The following FGF1 variants were observed in gnomAD, a reference collection of about 807,000 sequenced individuals.
FGF1 encodes fibroblast growth factor 1.
In FGF1, 9 loss-of-function variants were observed where a neutral mutation model predicts 13.4. The ratio of observed to expected loss-of-function variants is 0.67; its 90% confidence interval spans 0.40 to 1.17. The LOEUF (loss-of-function observed/expected upper bound fraction) is 1.17, where lower values mean the gene tolerates loss of function less well. Among genes scored for constraint, FGF1 ranks in the 50% most tolerant of loss-of-function variants. The pLI is 0.01. For synonymous variants in FGF1, 93 were observed against 79.0 expected, an observed-to-expected ratio of 1.18 and a Z score of -0.94; for missense variants, 156 against 192.7, an observed-to-expected ratio of 0.81 and a Z score of 1.13.
At chr5:142,697,233 G>A (rs1561784241) in intron 2 of FGF1, among the ~76,000 whole-genome samples, 1 of 152,134 alleles carries the variant, frequency 6.6e-6, no homozygotes, top group South Asian at 2.1e-4. Flanking sequence ...GAATCAGCTG[G>A]CATCCTTTTA....
At chr5:142,634,864 CT>C (rs896590244) in intron 1 of FGF1, among the ~76,000 whole-genome samples, 1 of 149,512 alleles carries the variant, frequency 6.7e-6, no homozygotes, top group African/African-American at 2.5e-5. Flanking sequence ...TTGGTTATTG[CT>C]TTTTTTTTCT....
At chr5:142,616,936 G>A (rs2151883553) in intron 1 of FGF1, among the ~76,000 whole-genome samples, 1 of 152,286 alleles carries the variant, frequency 6.6e-6, no homozygotes, top group Non-Finnish European at 1.5e-5. Flanking sequence ...ATATACCAGT[G>A]GTTGCCACTT....
chr5:142,603,087 G>T (rs752116514), intron 2 of FGF1, among the ~76,000 whole-genome samples: 1 of 152,170 alleles, frequency 6.6e-6, no homozygotes, highest in Non-Finnish European at 1.5e-5. Flanking sequence ...GGAATGGTTA[G>T]CTCTGAGAGT....
chr5:142,683,269 C>G (rs370206709), intron 1 of FGF1, among the ~76,000 whole-genome samples: 2 of 152,162 alleles, frequency 1.3e-5, no homozygotes, highest in Non-Finnish European at 1.5e-5. Context: ...AGCTAGCATA[C>G]AGGCTGACAG....
chr5:142,690,193 C>T (rs1255009171), upstream of FGF1, among the ~76,000 whole-genome samples: 2 of 151,624 alleles, frequency 1.3e-5, no homozygotes, highest in African/African-American at 2.4e-5. Context: ...TGGTGGCGGG[C>T]GCCTGTAGTC....
At chr5:142,661,016 A>G (rs1769122173) in intron 1 of FGF1, among the ~76,000 whole-genome samples, 1 of 152,190 alleles carries the variant, frequency 6.6e-6, no homozygotes, top group African/African-American at 2.4e-5. Flanking sequence ...AGAGGGGGAA[A>G]ATGCATTGCT....
At chr5:142,612,669 C>T (rs1306938974) in intron 2 of FGF1, among the ~76,000 whole-genome samples, 2 of 151,526 alleles carry the variant, frequency 1.3e-5, no homozygotes, top group Non-Finnish European at 2.9e-5. Flanking sequence ...ATAAGACATT[C>T]AGCAAGCCCA....
intron 1 of FGF1, among the ~76,000 whole-genome samples, chr5:142,683,755 A>G (rs1774155976): frequency 2.2e-5 from 3 of 135,038 alleles, no homozygotes; most frequent in Non-Finnish European, 4.7e-5. Flanking sequence ...CGGGAGGCGG[A>G]GGTTGCAGTG....
intron 1 of FGF1, among the ~76,000 whole-genome samples, chr5:142,646,206 GCCTT>G (rs1766051618): frequency 9.2e-6 from 1 of 108,802 alleles, no homozygotes. Context: ...ACCGCACCTG[GCCTT>G]TTTTTTTTTT....
chr5:142,623,470 C>A (rs1019700037), intron 1 of FGF1, among the ~76,000 whole-genome samples: 2 of 152,072 alleles, frequency 1.3e-5, no homozygotes, highest in Non-Finnish European at 2.9e-5. Flanking sequence ...CTCAGCCTCC[C>A]AAGTAGCTGG....
Position 142,629,700 on chromosome 5 carries a change from G to A in FGF1, c.-34-15539C>T, listed in dbSNP as rs373682421. 6.6e-5 allele frequency among the ~76,000 whole-genome samples: 10 copies of A among 151,802 alleles called. No individual in the cohort carries two copies. The East Asian group carries it at 7.7e-4, about 12-fold the overall frequency. ...GTATATGCACACTAATGTAAACCTC[G>A]TAGGGGCCCATTTCAAATTTGTTTT... On this transcript the variant is annotated intron_variant, in intron 1 of 3. Coordinates refer to ENST00000337706, the MANE Select transcript of FGF1 (RefSeq NM_000800.5).
intron 1 of FGF1, among the ~76,000 whole-genome samples, chr5:142,625,130 G>GTCTAGCCACACCA (rs1425839968): frequency 6.6e-6 from 1 of 152,124 alleles, no homozygotes; most frequent in Non-Finnish European, 1.5e-5. Context: ...CTGCCTTTAA[G>GTCTAGCCACACCA]GAGTTTACAG....
In FGF1 at chr5:142,592,693, C is replaced by T. The variant is rs931479125; in HGVS notation, c.*2597G>A. On this transcript the variant is annotated 3_prime_UTR_variant, in exon 4 of 4. Coordinates refer to ENST00000337706, the MANE Select transcript of FGF1 (RefSeq NM_000800.5). The stretch of plus-strand genomic sequence containing the variant: ...TCCTTCTAAGAAGATCTGACAGGCT[C>T]TTTGGCTGATTTGAAAGCAGTCCCC... The T allele has an allele frequency of 2.7e-6, 1 of 372,466 alleles. No individual in the cohort carries two copies. The highest frequency in any genetic ancestry group is 2.1e-5 in the African/African-American group (1 of 48,124). 23.1% of individuals were successfully genotyped at this position (372,466 alleles called of 1,614,324 possible).
upstream of FGF1, among the ~76,000 whole-genome samples, chr5:142,687,537 T>G (rs17216727): frequency 9.2e-5 from 14 of 152,210 alleles, no homozygotes; most frequent in African/African-American, 3.4e-4. Flanking sequence ...CAAAGGATAC[T>G]GATAATTTGC....
chr5:142,688,781 C>T (rs1219977947), upstream of FGF1, among the ~76,000 whole-genome samples: 2 of 152,216 alleles, frequency 1.3e-5, no homozygotes, highest in African/African-American at 2.4e-5. Context: ...TGTTGTGGCT[C>T]TTGCCAGAGG....
chr5:142,678,554 G>A (rs978020299), intron 1 of FGF1, among the ~76,000 whole-genome samples: 25 of 152,034 alleles, frequency 1.6e-4, no homozygotes, highest in African/African-American at 4.1e-4. Context: ...TCCTTTCAGC[G>A]CCCTCTGCCC....
At chr5:142,697,176 G>A (rs1406468242) in intron 2 of FGF1, among the ~76,000 whole-genome samples, 1 of 152,198 alleles carries the variant, frequency 6.6e-6, no homozygotes, top group African/African-American at 2.4e-5. Context: ...GGGAAAAAGA[G>A]GCTCTGCATG....
chr5:142,660,723 C>T (rs150944102), intron 1 of FGF1, among the ~76,000 whole-genome samples: 9 of 152,380 alleles, frequency 5.9e-5, no homozygotes, highest in African/African-American at 2.2e-4. Context: ...CACTCCATAT[C>T]TTCTTTTCTA....
In FGF1 at chr5:142,614,984, A is replaced by G. The variant is rs17217212; in HGVS notation, c.-34-823T>C. Among the ~76,000 whole-genome samples, 431 of 152,118 alleles carry G rather than the reference A, an allele frequency of 2.8e-3. 3 individuals carry two copies. Among genetic ancestry groups the G allele is most frequent in the African/African-American group, 9.8e-3 (407 of 41,532 alleles). The stretch of plus-strand genomic sequence containing the variant: ...TAATGTGAGATAGAACACAGAAACC[A>G]CCATATTATATATAATATACCTTTA... On this transcript the variant is annotated intron_variant, in intron 1 of 3. Coordinates refer to ENST00000337706, the MANE Select transcript of FGF1 (RefSeq NM_000800.5).
Sources: gnomAD v4.1 joint callset for allele counts (sites outside exome capture counted in the v4.1 genomes callset) on GRCh38, gnomAD v4.1.1 for gene constraint, MANE v1.5 for transcripts, NCBI Gene and HGNC (gene_info 2026-07-23, HGNC 2026-07-21) for gene names.